ZNF410: variants seen among roughly 807,000 people sequenced by gnomAD.
ZNF410 encodes zinc finger protein 410, also known as another partner for ARF 1.
In ZNF410, 18 loss-of-function variants were observed where a neutral mutation model predicts 54.8. The observed-to-expected ratio is 0.33, with a 90% confidence interval of 0.23 to 0.49. The LOEUF (loss-of-function observed/expected upper bound fraction) is 0.49, where lower values mean the gene tolerates loss of function less well. Ranked by LOEUF, ZNF410 falls within the 20% of genes least tolerant of loss-of-function variation. ZNF410 has a pLI of 0.99. For missense variants in ZNF410, 405 were observed against 569.6 expected (o/e 0.71, Z 2.94); for synonymous variants, 191 against 207.3 (o/e 0.92, Z 0.68).
At chr14:73,903,883 A>G (rs983588723) in intron 5 of ZNF410, 77 bp from the exon 6 acceptor site, 5 of 1,555,386 alleles carry the variant, frequency 3.2e-6, no homozygotes, top group South Asian at 1.2e-5. Flanking sequence ...GGAGTAAAAT[A>G]TAGGAGCTTT....
chr14:73,890,898 T>C (rs2055219081), intron 1 of ZNF410, among the ~76,000 whole-genome samples: 1 of 151,986 alleles, frequency 6.6e-6, no homozygotes, highest in Admixed American at 6.6e-5. Flanking sequence ...TAATCCCAGC[T>C]ACTCCAGGAG....
intron 11 of ZNF410, among the ~76,000 whole-genome samples, chr14:73,925,162 T>C (rs1441700909): frequency 1.3e-5 from 2 of 152,004 alleles, no homozygotes; most frequent in African/African-American, 4.8e-5. Context: ...TGACCCATTG[T>C]CTTTGCTTAT....
chr14:73,924,694 TG>T, intron 11 of ZNF410: 1 of 449,812 alleles, frequency 2.2e-6, no homozygotes, highest in South Asian at 1.6e-5. Flanking sequence ...TTTTTTTTTT[TG>T]AGACAGAGTC....
chr14:73,912,198 A>G (rs1326770228), intron 8 of ZNF410, among the ~76,000 whole-genome samples: 2 of 133,562 alleles, frequency 1.5e-5, no homozygotes, highest in Non-Finnish European at 3.1e-5. Flanking sequence ...TTGAGACAGT[A>G]TTACTCTGTT....
chr14:73,900,822 A>G (rs1394891833), intron 5 of ZNF410, among the ~76,000 whole-genome samples: 1 of 152,150 alleles, frequency 6.6e-6, no homozygotes, highest in African/African-American at 2.4e-5. Flanking sequence ...TTCTTAAAAC[A>G]TTATGAGATT....
At chr14:73,902,639 A>G (rs1466301280) in intron 5 of ZNF410, among the ~76,000 whole-genome samples, 1 of 152,186 alleles carries the variant, frequency 6.6e-6, no homozygotes, top group South Asian at 2.1e-4. Context: ...TGGAGATACA[A>G]ATCTTATTGC....
chr14:73,929,518 T>A (rs17094043), intron 11 of ZNF410, among the ~76,000 whole-genome samples: 1 of 152,094 alleles, frequency 6.6e-6, no homozygotes, highest in Admixed American at 6.6e-5. Context: ...AAAAATAGCT[T>A]ATCAAGAATA....
chr14:73,916,034 GTT>G (rs1327894424), intron 8 of ZNF410: 2 of 152,226 alleles, frequency 1.3e-5, no homozygotes, highest in East Asian at 3.9e-4. Context: ...GGGCCTAGGA[GTT>G]CTGGACCAGC....
chr14:73,891,712 GGTGT>G, intron 1 of ZNF410: 5 of 284,276 alleles, frequency 1.8e-5, no homozygotes, highest in Non-Finnish European at 3.2e-5. Context: ...CCTAATTGGG[GGTGT>G]GTGTGTGTGT....
chr14:73,893,663 A>G (rs1329736257), intron 2 of ZNF410, 134 bp from the exon 3 acceptor site: 15 of 970,414 alleles, frequency 1.5e-5, no homozygotes, highest in Non-Finnish European at 2.0e-5. Flanking sequence ...AACTTTAGAT[A>G]TTATGTTGTT....
At chr14:73,912,938 G>A (rs1333573397) in intron 8 of ZNF410, 1 of 151,742 alleles carries the variant, frequency 6.6e-6, no homozygotes, top group Non-Finnish European at 1.5e-5. Flanking sequence ...TTGTTACCTA[G>A]GTAAAGGTGT....
In ZNF410 at chr14:73,893,603, A is replaced by G. The variant is rs185837256; in HGVS notation, c.34-194A>G. ...TAACTGAAATGTCGTTTTGCAGCAC[A>G]TGACTTTATATAAATCAGCTGTTCT... On this transcript the variant is annotated intron_variant, in intron 2 of 11. Transcript: ENST00000555044. 7.3e-6 allele frequency: 4 copies of G among 547,358 alleles called. No individual in the cohort carries two copies. The East Asian group carries it at 1.0e-4, about 14-fold the overall frequency. 33.9% of individuals were successfully genotyped at this position (547,358 alleles called of 1,614,324 possible). A position where few individuals can be genotyped will look rare whatever the true frequency, so the allele number is the denominator to read the frequency against.
At chr14:73,886,985 C>G (rs1386456789) in intron 1 of ZNF410, 70 bp downstream of exon 1, 1 of 152,632 alleles carries the variant, frequency 6.6e-6, no homozygotes, top group Non-Finnish European at 1.5e-5. Context: ...GGGCCAGTAC[C>G]GGCTACTTGG....
At chr14:73,901,313 A>G (rs11622629) in intron 5 of ZNF410, among the ~76,000 whole-genome samples, 74,365 of 151,866 alleles carry the variant, frequency 0.49, 18,415 homozygotes, top group South Asian at 0.61. Flanking sequence ...GTTCACACCT[A>G]TAATCCCAGC....
intron 8 of ZNF410, chr14:73,913,145 C>T (rs1208968122): frequency 6.6e-6 from 1 of 152,122 alleles, no homozygotes; most frequent in African/African-American, 2.4e-5. Context: ...TCACTGAAGC[C>T]TTTGAACTCC....
chr14:73,893,119 G>A (rs945459871), intron 2 of ZNF410, among the ~76,000 whole-genome samples: 2 of 152,176 alleles, frequency 1.3e-5, no homozygotes, highest in East Asian at 3.9e-4. Context: ...GGGTTAATGC[G>A]ATAATTAAAT....
At chr14:73,918,602 C>G (rs1053394727) in intron 8 of ZNF410, among the ~76,000 whole-genome samples, 3 of 151,534 alleles carry the variant, frequency 2.0e-5, no homozygotes, top group Admixed American at 2.0e-4. Flanking sequence ...GTATCATTGA[C>G]CATGTCTCTC....
intron 8 of ZNF410, among the ~76,000 whole-genome samples, chr14:73,919,021 T>G (rs2055714810): frequency 8.0e-6 from 1 of 124,800 alleles, no homozygotes; most frequent in Non-Finnish European, 1.7e-5. Context: ...TTTTTTTTTT[T>G]TTTTTTGACA....
Position 73,904,542 on chromosome 14 carries a change from C to T in ZNF410, c.732-360C>T, listed in dbSNP as rs147463615. Among the ~76,000 whole-genome samples, 557 of 152,288 alleles carry T rather than the reference C, an allele frequency of 3.7e-3. 3 individuals are homozygous for T. The highest frequency in any genetic ancestry group is 0.013 in the African/African-American group (532 of 41,548). ...ACAGTGGCGCCATCATAGCTCACTG[C>T]AGCCTCGAACTCCTGTGCTCAAGTC... is the stretch of plus-strand genomic sequence containing the variant. On this transcript the variant is annotated intron_variant, in intron 6 of 11. Coordinates refer to ENST00000555044, the MANE Select transcript of ZNF410 (RefSeq NM_021188.3).
Sources: allele counts gnomAD v4.1 joint callset (sites outside exome capture counted in the v4.1 genomes callset), GRCh38; gene constraint gnomAD v4.1.1; transcripts MANE v1.5; gene names NCBI Gene and HGNC (gene_info 2026-07-23, HGNC 2026-07-21).